The following HS6ST2 variants were observed in gnomAD, a reference collection of about 807,000 sequenced individuals.
HS6ST2 encodes the protein heparan sulfate 6-O-sulfotransferase 2.
In HS6ST2, 17 loss-of-function variants were observed where a neutral mutation model predicts 33.0. That is an observed-to-expected ratio of 0.52 (90% CI 0.35 to 0.77). HS6ST2 has a LOEUF of 0.77. Ranked by LOEUF, HS6ST2 falls within the 30% of genes least tolerant of loss-of-function variation. The pLI is 0.01. For missense variants in HS6ST2, 519 were observed against 551.7 expected (o/e 0.94, Z 0.59); for synonymous variants, 248 against 237.1 (o/e 1.05, Z -0.42).
chrX:132,742,561 C>T (rs1157400589), intron 2 of HS6ST2, among the ~76,000 whole-genome samples: 1 of 111,902 alleles, frequency 8.9e-6, no homozygotes, highest in Non-Finnish European at 1.9e-5. Context: ...TTGGGGTGAG[C>T]CATTGTTGTG....
At chrX:132,723,193 T>C (rs2064353288) in intron 2 of HS6ST2, among the ~76,000 whole-genome samples, 1 of 111,600 alleles carries the variant, frequency 9.0e-6, no homozygotes, top group African/African-American at 3.3e-5. Flanking sequence ...AAAAGACTCC[T>C]AGTAAAGAAA....
At chrX:132,795,225 C>A (rs1157873363) in intron 2 of HS6ST2, among the ~76,000 whole-genome samples, 1 of 111,972 alleles carries the variant, frequency 8.9e-6, no homozygotes, top group East Asian at 2.8e-4. Flanking sequence ...ATGGATTTGC[C>A]TATTCTGATA....
chrX:132,697,942 T>G (rs2148236919), intron 3 of HS6ST2, among the ~76,000 whole-genome samples: 1 of 111,951 alleles, frequency 8.9e-6, no homozygotes, highest in South Asian at 3.7e-4. Flanking sequence ...CATTGGCTTC[T>G]TCTCATTTTA....
intron 4 of HS6ST2, among the ~76,000 whole-genome samples, chrX:132,637,851 A>AT (rs1491257857): frequency 5.6e-5 from 2 of 35,722 alleles, no homozygotes; most frequent in African/African-American, 6.5e-4. Flanking sequence ...TTTATATATA[A>AT]TATATATATA....
At position 132,794,733 on chromosome X, in the gene HS6ST2, A is replaced by T. The variant is rs2065159136; in HGVS notation, c.948-86239T>A. Among the ~76,000 whole-genome samples the T allele has an allele frequency of 6.3e-5, 7 of 111,223 alleles. No individual in the cohort carries two copies. In the South Asian group the frequency reaches 2.7e-3, roughly 42 times the overall value. ...AGCCACTGCACCTGGCCCTCATTTA[A>T]TCTTTGCAATGATCCAGCAGTGCCT... On this transcript the variant is annotated intron_variant, in intron 2 of 4. Coordinates refer to ENST00000370833, the MANE Select transcript of HS6ST2 (RefSeq NM_001394073.1).
At chrX:132,794,691 C>T (rs1266159060) in intron 2 of HS6ST2, among the ~76,000 whole-genome samples, 1 of 111,004 alleles carries the variant, frequency 9.0e-6, no homozygotes, top group Admixed American at 9.6e-5. Flanking sequence ...TCCCACAGTT[C>T]TGGGATTACA....
intron 2 of HS6ST2, among the ~76,000 whole-genome samples, chrX:132,787,198 T>TATATATATATAC (rs1556443168): frequency 2.5e-5 from 2 of 80,067 alleles, no homozygotes; most frequent in Non-Finnish European, 4.4e-5. Context: ...CATATATATA[T>TATATATATATAC]ACACATATAT....
rs756961465 is a variant in HS6ST2, at chrX:132,923,711, A to T, written c.947+33097T>A. On this transcript the variant is annotated intron_variant, in intron 2 of 4. Transcript: ENST00000370833. ...TCATTTCCACTTCACCATTAAGGAG[A>T]CTGAAGCAGACAGCATTTTAGGGGC... 2.8e-4 allele frequency among the ~76,000 whole-genome samples: 31 copies of T among 111,608 alleles called. 1 individual carries two copies. The highest frequency in any genetic ancestry group is 2.5e-3 in the Admixed American group (26 of 10,476).
intron 2 of HS6ST2, among the ~76,000 whole-genome samples, chrX:132,801,516 T>A (rs1236755437): frequency 8.9e-6 from 1 of 111,762 alleles, no homozygotes; most frequent in African/African-American, 3.3e-5. Flanking sequence ...TGTCCTCTGA[T>A]GGATTACACA....
At chrX:132,647,043 A>G (rs2063650601) in intron 4 of HS6ST2, among the ~76,000 whole-genome samples, 1 of 111,407 alleles carries the variant, frequency 9.0e-6, no homozygotes, top group African/African-American at 3.3e-5. Context: ...GGGAGCTACA[A>G]TTCAAGATGA....
At chrX:132,881,245 A>C (rs1037541183) in intron 2 of HS6ST2, among the ~76,000 whole-genome samples, 14 of 110,101 alleles carry the variant, frequency 1.3e-4, no homozygotes, top group Non-Finnish European at 2.3e-4. Flanking sequence ...TCCCACCAAC[A>C]GTGTAAAAGT....
chrX:132,749,614 C>G (rs2064679720), intron 2 of HS6ST2, among the ~76,000 whole-genome samples: 1 of 112,042 alleles, frequency 8.9e-6, no homozygotes. Flanking sequence ...ACTGACACCC[C>G]TGAGCCGCAG....
intron 2 of HS6ST2, among the ~76,000 whole-genome samples, chrX:132,712,154 T>C (rs1413112389): frequency 1.8e-5 from 2 of 111,921 alleles, no homozygotes; most frequent in Non-Finnish European, 3.8e-5. Flanking sequence ...TTTCTGACAC[T>C]GAACTGGTGT....
chrX:132,808,988 GT>G (rs1248460269), intron 2 of HS6ST2, among the ~76,000 whole-genome samples: 1 of 111,332 alleles, frequency 9.0e-6, no homozygotes, highest in African/African-American at 3.3e-5. Flanking sequence ...ATTTTTGTTT[GT>G]TTGTTTGTTT....
chrX:132,784,223 T>C (rs1238641494), intron 2 of HS6ST2, among the ~76,000 whole-genome samples: 2 of 111,852 alleles, frequency 1.8e-5, no homozygotes, highest in Non-Finnish European at 3.8e-5. Flanking sequence ...CCTTTAAAAT[T>C]ACAAACGCCC....
At chrX:132,844,872 T>A (rs1602741211) in intron 2 of HS6ST2, among the ~76,000 whole-genome samples, 2 of 110,417 alleles carry the variant, frequency 1.8e-5, no homozygotes, top group East Asian at 5.7e-4. Context: ...TCAATCAGCA[T>A]TTCAGAGGCA....
intron 2 of HS6ST2, among the ~76,000 whole-genome samples, chrX:132,712,164 T>C (rs1421085408): frequency 8.9e-6 from 1 of 111,798 alleles, no homozygotes; most frequent in Non-Finnish European, 1.9e-5. Context: ...TGAACTGGTG[T>C]GCTCACCCTC....
chrX:132,706,214 T>C (rs2064188012), intron 3 of HS6ST2, among the ~76,000 whole-genome samples: 1 of 111,878 alleles, frequency 8.9e-6, no homozygotes, highest in African/African-American at 3.2e-5. Context: ...ATGATTCTTA[T>C]ATGCAGGTCT....
intron 4 of HS6ST2, chrX:132,667,602 C>G (rs1197890890): frequency 8.9e-6 from 1 of 112,173 alleles, no homozygotes; most frequent in Non-Finnish European, 1.9e-5. Context: ...AGACAGTGAA[C>G]TCCTGCAAAG....
Sources: gnomAD v4.1 joint callset for allele counts (sites outside exome capture counted in the v4.1 genomes callset) on GRCh38, gnomAD v4.1.1 for gene constraint, MANE v1.5 for transcripts, NCBI Gene and HGNC (gene_info 2026-07-23, HGNC 2026-07-21) for gene names.